DGKG: variants seen among roughly 807,000 people sequenced by gnomAD.
DGKG encodes the protein DAG kinase gamma.
DGKG carries 78 observed loss-of-function variants against 105.3 expected under a neutral mutation model. The ratio of observed to expected loss-of-function variants is 0.74; its 90% CI spans 0.62 to 0.89. The LOEUF is 0.89. Among genes scored for constraint, DGKG ranks in the 40% least tolerant of loss-of-function variants. The probability of loss-of-function intolerance (pLI) is 0.00; values close to 1 mark genes in which losing one functional copy is unlikely to be tolerated. For synonymous variants in DGKG, 346 were observed against 367.1 expected (o/e 0.94, Z 0.66); for missense variants, 958 against 1,020.1 (o/e 0.94, Z 0.83).
chr3:186,155,447 C>T (rs1319828794), intron 24 of DGKG, among the ~76,000 whole-genome samples: 2 of 152,190 alleles, frequency 1.3e-5, no homozygotes, highest in African/African-American at 4.8e-5. Flanking sequence ...CTGCCTCAGC[C>T]TCCCAAAGTG....
At chr3:186,232,964 G>A (rs1235295714) in intron 20 of DGKG, among the ~76,000 whole-genome samples, 2 of 152,112 alleles carry the variant, frequency 1.3e-5, no homozygotes. Context: ...TGATGTGCCC[G>A]ACTCTGTAAT....
Position 186,147,203 on chromosome 3 carries a change from C to T in DGKG, c.*2887G>A. On this transcript the variant is annotated 3_prime_UTR_variant, in exon 25 of 25. Transcript: ENST00000265022. ...GGACAACACAATGTACTAGAGAGTT[C>T]CTGCTTTACAGTTTTTATTGCTGTT... The T allele has an allele frequency of 1.3e-5, 13 of 985,852 alleles. No homozygotes were observed. Among genetic ancestry groups the T allele is most frequent in the Non-Finnish European group, 1.6e-5 (13 of 829,966 alleles). 61.1% of individuals were successfully genotyped at this position (985,852 alleles called of 1,614,324 possible). A position where few individuals can be genotyped will look rare whatever the true frequency, so the allele number is the denominator to read the frequency against.
chr3:186,253,663 T>A (rs1021906349), intron 17 of DGKG, among the ~76,000 whole-genome samples: 17 of 152,188 alleles, frequency 1.1e-4, no homozygotes, highest in African/African-American at 3.9e-4. Context: ...CTCATCTGAC[T>A]GCAGCAGCTA....
chr3:186,206,119 C>T (rs1718719635), intron 21 of DGKG, among the ~76,000 whole-genome samples: 1 of 152,184 alleles, frequency 6.6e-6, no homozygotes, highest in Non-Finnish European at 1.5e-5. Context: ...GGCACAGTGG[C>T]TTATGCCTGT....
intron 1 of DGKG, among the ~76,000 whole-genome samples, chr3:186,357,959 T>G (rs1727051589): frequency 6.6e-6 from 1 of 152,260 alleles, no homozygotes; most frequent in East Asian, 1.9e-4. Context: ...TTCATTTAAT[T>G]TTAATGAACT....
intron 1 of DGKG, among the ~76,000 whole-genome samples, chr3:186,346,726 T>C (rs1726351273): frequency 6.6e-6 from 1 of 150,890 alleles, no homozygotes; most frequent in African/African-American, 2.5e-5. Flanking sequence ...TCTACATTTT[T>C]TGAAATGTAT....
chr3:186,218,927 C>T (rs1719433789), intron 20 of DGKG, among the ~76,000 whole-genome samples: 1 of 152,064 alleles, frequency 6.6e-6, no homozygotes, highest in South Asian at 2.1e-4. Flanking sequence ...GCTACCACTA[C>T]TGAAGATAAT....
chr3:186,206,059 C>T (rs868635502), intron 21 of DGKG, among the ~76,000 whole-genome samples: 14 of 152,144 alleles, frequency 9.2e-5, no homozygotes, highest in East Asian at 3.9e-4. Flanking sequence ...GCTGACCTTC[C>T]CTTGTGAATA....
chr3:186,263,172 C>T (rs1721865502), intron 14 of DGKG, among the ~76,000 whole-genome samples: 1 of 139,326 alleles, frequency 7.2e-6, no homozygotes, highest in African/African-American at 2.5e-5. Context: ...AAAACACCAC[C>T]ACCACCACCA....
chr3:186,261,313 G>A (rs1038485946), intron 15 of DGKG, among the ~76,000 whole-genome samples: 2 of 152,140 alleles, frequency 1.3e-5, no homozygotes, highest in South Asian at 2.1e-4. Context: ...GGCTTCTCAC[G>A]GGTGACGGTA....
chr3:186,202,163 C>T (rs1447162384), intron 21 of DGKG, among the ~76,000 whole-genome samples: 1 of 152,196 alleles, frequency 6.6e-6, no homozygotes, highest in Admixed American at 6.5e-5. Flanking sequence ...GAGCTTGCCA[C>T]GTGGTAAGTA....
At chr3:186,285,461 A>G (rs1395124684) in intron 6 of DGKG, among the ~76,000 whole-genome samples, 2 of 152,214 alleles carry the variant, frequency 1.3e-5, no homozygotes, top group African/African-American at 4.8e-5. Flanking sequence ...GCTATTCAGA[A>G]ACATCTTCAA....
intron 14 of DGKG, among the ~76,000 whole-genome samples, chr3:186,264,145 A>G (rs1721925592): frequency 2.0e-5 from 3 of 152,228 alleles, no homozygotes; most frequent in East Asian, 1.9e-4. Flanking sequence ...GCATACATGT[A>G]TCGGGTGTGG....
At chr3:186,288,125 C>G (rs532564537) in intron 6 of DGKG, among the ~76,000 whole-genome samples, 1 of 152,308 alleles carries the variant, frequency 6.6e-6, no homozygotes, top group East Asian at 1.9e-4. Context: ...TTAAAACCTA[C>G]TTTAGTAGCA....
At chr3:186,244,407 G>GTT (rs10701431) in intron 19 of DGKG, among the ~76,000 whole-genome samples, 19,009 of 138,138 alleles carry the variant, frequency 0.14, 1,371 homozygotes, top group Middle Eastern at 0.2. Flanking sequence ...AGCTATTGAT[G>GTT]TTTTTTTTTT....
chr3:186,323,107 A>G (rs1279426017), intron 1 of DGKG, among the ~76,000 whole-genome samples: 1 of 151,764 alleles, frequency 6.6e-6, no homozygotes, highest in Admixed American at 6.6e-5. Context: ...TAAATTGCCA[A>G]CCAGATCACA....
intron 1 of DGKG, among the ~76,000 whole-genome samples, chr3:186,358,130 C>T (rs542765789): frequency 6.6e-6 from 1 of 152,346 alleles, no homozygotes; most frequent in East Asian, 1.9e-4. Context: ...TTCTCTTATT[C>T]GTTCATTCGT....
intron 1 of DGKG, among the ~76,000 whole-genome samples, chr3:186,348,367 C>CTT (rs1303442403): frequency 3.1e-4 from 15 of 48,264 alleles, no homozygotes; most frequent in East Asian, 6.6e-4. Context: ...TTGCTGGGTG[C>CTT]TTTTTTTTTT....
chr3:186,211,124 G>A (rs1033807560), intron 21 of DGKG, among the ~76,000 whole-genome samples: 1 of 152,210 alleles, frequency 6.6e-6, no homozygotes, highest in African/African-American at 2.4e-5. Context: ...AAACACAAGT[G>A]CACCAACAGG....
Sources: gnomAD v4.1 joint callset for allele counts (sites outside exome capture counted in the v4.1 genomes callset) on GRCh38, gnomAD v4.1.1 for gene constraint, MANE v1.5 for transcripts, NCBI Gene and HGNC (gene_info 2026-07-23, HGNC 2026-07-21) for gene names.